The following LRP11 variants were observed in gnomAD, a reference collection of about 807,000 sequenced individuals.
LRP11 encodes the protein LDL receptor related protein 11.
Under a neutral mutation model 43.1 loss-of-function variants are expected in LRP11, and 25 were observed. The observed-to-expected ratio is 0.58, with a 90% CI of 0.42 to 0.81. The LOEUF is 0.81. Among genes scored for constraint, LRP11 ranks in the 30% least tolerant of loss-of-function variants. The pLI, the probability that LRP11 is intolerant of heterozygous loss-of-function variation, is 0.00. For synonymous variants in LRP11, 316 were observed against 299.4 expected (o/e 1.06, Z -0.57); for missense variants, 623 against 665.1 (o/e 0.94, Z 0.70).
At chr6:149,842,781 A>G in intron 3 of LRP11, 1 of 1,282,530 alleles carries the variant, frequency 7.8e-7, no homozygotes, top group South Asian at 1.3e-5. Context: ...TGCTTCCTCC[A>G]CCCCAACCCA....
rs544445614 is a variant in LRP11, at chr6:149,843,256, G to C, written c.772-132C>G. On this transcript the variant is annotated intron_variant, in intron 2 of 6. Coordinates refer to ENST00000239367, the MANE Select transcript of LRP11 (RefSeq NM_032832.6). ...CTCTGCACTCCGGCCCGAGGCTGCT[G>C]AACTACATCACACACTGTTGGCAGC... 2.4e-4 allele frequency: 215 copies of C among 911,334 alleles called. 2 individuals are homozygous for C. The Admixed American group carries it at 4.5e-3, about 19-fold the overall frequency. 56.5% of individuals were successfully genotyped at this position (911,334 alleles called of 1,614,324 possible). A position where few individuals can be genotyped will look rare whatever the true frequency, so the allele number is the denominator to read the frequency against.
rs1180498942 is a variant in LRP11 at position 149,863,601 on chromosome 6, G to C, written c.420C>G (p.Cys140Trp). 1 of 1,451,700 alleles carries C rather than the reference G, an allele frequency of 6.9e-7. No individual in the cohort carries two copies. Among genetic ancestry groups the C allele is most frequent in the South Asian group, 1.3e-5 (1 of 74,682 alleles). The allele number at this position is 1,451,700 out of a possible 1,614,324, so 89.9% of individuals were successfully genotyped here. A position where few individuals can be genotyped will look rare whatever the true frequency, so the allele number is the denominator to read the frequency against. Reference sequence around the variant, plus strand: ...GGGGCAGCTCCACCACGGCCACGGAGCAGCGCGGCTCGGAGCAGCAGGCCG... The same window carrying C: ...GGGGCAGCTCCACCACGGCCACGGACCAGCGCGGCTCGGAGCAGCAGGCCG... The part of the protein sequence containing the change: ...CVAACCSEPR[C>W]SVAVVELPRR... The change falls in exon 1 of 7, where the codon TGC (cysteine) becomes TGG (tryptophan). Residue 140 changes from cysteine (C) to tryptophan (W), a missense_variant. Cys to Trp is a radical substitution (Grantham distance 215). Coordinates refer to ENST00000239367, the MANE Select transcript of LRP11 (RefSeq NM_032832.6).
intron 1 of LRP11, among the ~76,000 whole-genome samples, chr6:149,854,710 T>C (rs916006555): frequency 1.3e-5 from 2 of 152,172 alleles, no homozygotes; most frequent in Admixed American, 1.3e-4. Context: ...CTGGTTCGAG[T>C]GCTGGCTGGG....
chr6:149,828,339 A>G (rs1776367295), intron 5 of LRP11, among the ~76,000 whole-genome samples: 1 of 152,162 alleles, frequency 6.6e-6, no homozygotes, highest in Admixed American at 6.5e-5. Context: ...TTTTACTGCT[A>G]GTAGACAGAC....
intron 5 of LRP11, 146 bp from the exon 6 acceptor site, chr6:149,826,505 T>C: frequency 1.6e-6 from 1 of 608,080 alleles, no homozygotes; most frequent in Non-Finnish European, 2.9e-6. Flanking sequence ...CTATGTTTGA[T>C]AGTTAAGCAG....
rs10712132 is a variant in LRP11, at chr6:149,832,620, CTT to C, written c.1252+3463_1252+3464del. 6.2e-3 allele frequency among the ~76,000 whole-genome samples: 594 copies of C among 96,394 alleles called. 3 individuals carry two copies. Among genetic ancestry groups the C allele is most frequent in the African/African-American group, 0.018 (452 of 25,400 alleles). 63.2% of individuals were successfully genotyped at this position (96,394 alleles called of 152,430 possible). A position where few individuals can be genotyped will look rare whatever the true frequency, so the allele number is the denominator to read the frequency against. ...GGCATGTGTCATGAACAACAATGTA[CTT>C]TTTTTTTTTTTTTTTTGAGATGGAG... On this transcript the variant is annotated intron_variant, in intron 5 of 6. Transcript: ENST00000239367.
chr6:149,848,130 C>T (rs1468312231), intron 2 of LRP11, among the ~76,000 whole-genome samples: 2 of 151,998 alleles, frequency 1.3e-5, no homozygotes, highest in Non-Finnish European at 1.5e-5. Flanking sequence ...GAGATACGTG[C>T]TCATGAATGA....
At chr6:149,860,531 A>G (rs1330362780) in intron 1 of LRP11, among the ~76,000 whole-genome samples, 1 of 151,914 alleles carries the variant, frequency 6.6e-6, no homozygotes, top group Non-Finnish European at 1.5e-5. Flanking sequence ...CACCTTCCTA[A>G]CTCACAAAGC....
chr6:149,862,227 C>G (rs1441591507), intron 1 of LRP11, among the ~76,000 whole-genome samples: 5 of 152,208 alleles, frequency 3.3e-5, no homozygotes, highest in African/African-American at 1.2e-4. Context: ...GGGAGGGAGG[C>G]AGGATGTGAT....
chr6:149,839,875 T>A (rs1232466957), intron 3 of LRP11, among the ~76,000 whole-genome samples: 1 of 152,172 alleles, frequency 6.6e-6, no homozygotes, highest in East Asian at 1.9e-4. Context: ...ATGGGGTGTA[T>A]CTTATAAAAT....
At chr6:149,846,920 C>T (rs1036173040) in intron 2 of LRP11, among the ~76,000 whole-genome samples, 3 of 149,768 alleles carry the variant, frequency 2.0e-5, no homozygotes, top group Non-Finnish European at 4.4e-5. Flanking sequence ...GGTGACAGAG[C>T]GAGATCCTAT....
intron 5 of LRP11, among the ~76,000 whole-genome samples, chr6:149,828,307 C>G (rs952608871): frequency 6.6e-6 from 1 of 151,886 alleles, no homozygotes; most frequent in South Asian, 2.1e-4. Context: ...TAAGACCATG[C>G]AGCTTTTTTA....
intron 5 of LRP11, among the ~76,000 whole-genome samples, chr6:149,834,827 AG>A (rs1432756971): frequency 2.6e-5 from 4 of 152,274 alleles, no homozygotes; most frequent in Non-Finnish European, 5.9e-5. Context: ...ATTTTTATGG[AG>A]GCACTTAAAA....
In LRP11 at chr6:149,819,069, A is replaced by C. The variant is rs1034105583; in HGVS notation, c.*1480T>G. 9 of 152,366 alleles carry C rather than the reference A, an allele frequency of 5.9e-5. No homozygotes were observed. Among genetic ancestry groups the C allele is most frequent in the Non-Finnish European group, 1.0e-4 (7 of 68,030 alleles). The allele number at this position is 152,366 out of a possible 1,614,324, so 9.4% of individuals were successfully genotyped here. The stretch of plus-strand genomic sequence containing the variant: ...TCTAAACTGCCCTTCAAAAATTTAC[A>C]TCTTTGCTCAATTCTAAACATTCAA... On this transcript the variant is annotated 3_prime_UTR_variant, in exon 7 of 7. Coordinates refer to ENST00000239367, the MANE Select transcript of LRP11 (RefSeq NM_032832.6).
At chr6:149,857,768 G>A (rs573379964) in intron 1 of LRP11, among the ~76,000 whole-genome samples, 4 of 152,238 alleles carry the variant, frequency 2.6e-5, no homozygotes, top group South Asian at 2.1e-4. Flanking sequence ...TGTTTTATCC[G>A]CACAACCAGT....
intron 2 of LRP11, among the ~76,000 whole-genome samples, chr6:149,847,609 T>C (rs938626562): frequency 6.6e-6 from 1 of 152,146 alleles, no homozygotes; most frequent in Non-Finnish European, 1.5e-5. Flanking sequence ...ACACAACATA[T>C]CCAATTTGTA....
Position 149,861,885 on chromosome 6 carries a change from T to C in LRP11, c.613+1523A>G, listed in dbSNP as rs1029874390. The stretch of plus-strand genomic sequence containing the variant: ...TATTCTTTCCTTGTTTATTTTCCTT[T>C]TCAAAGGTTTCCTCTGGGTTTATAG... On this transcript the variant is annotated intron_variant, in intron 1 of 6. Coordinates refer to ENST00000239367, the MANE Select transcript of LRP11 (RefSeq NM_032832.6). Among the ~76,000 whole-genome samples, 4 of 152,358 alleles carry C rather than the reference T, an allele frequency of 2.6e-5. No homozygotes were observed. The East Asian group carries it at 7.7e-4, about 29-fold the overall frequency.
chr6:149,825,258 TC>T (rs1776324136), intron 6 of LRP11, among the ~76,000 whole-genome samples: 2 of 152,222 alleles, frequency 1.3e-5, no homozygotes, highest in Non-Finnish European at 2.9e-5. Context: ...AAGGATGGTT[TC>T]CAAAGTCTTT....
At chr6:149,836,416 T>C (rs756623221) in intron 4 of LRP11, 119 bp from the exon 5 acceptor site, 9 of 794,272 alleles carry the variant, frequency 1.1e-5, no homozygotes, top group Admixed American at 2.5e-5. Context: ...AGCCCACTCA[T>C]CTAAGACATG....
Sources: allele counts gnomAD v4.1 joint callset (sites outside exome capture counted in the v4.1 genomes callset), GRCh38; gene constraint gnomAD v4.1.1; transcripts MANE v1.5; gene names NCBI Gene and HGNC (gene_info 2026-07-23, HGNC 2026-07-21).